Variants in PCDHGA5 observed in about 807,000 individuals in gnomAD.
PCDHGA5 encodes protocadherin gamma-A5.
Under a neutral mutation model 56.7 loss-of-function variants are expected in PCDHGA5, and 36 were observed. The observed-to-expected ratio is 0.64, with a 90% CI of 0.49 to 0.84. The LOEUF (loss-of-function observed/expected upper bound fraction) is 0.84, where lower values mean the gene tolerates loss of function less well. PCDHGA5 is among the 40% of genes least tolerant of loss of function. The probability of loss-of-function intolerance (pLI) is 0.00; values close to 1 mark genes in which losing one functional copy is unlikely to be tolerated. For missense variants in PCDHGA5, 1,305 were observed against 1,201.5 expected (o/e 1.09, Z -1.27); for synonymous variants, 563 against 520.2 (o/e 1.08, Z -1.12).
intron 1 of PCDHGA5, chr5:141,404,042 A>G: frequency 3.1e-6 from 5 of 1,613,892 alleles, no homozygotes; most frequent in Non-Finnish European, 4.2e-6. Context: ...ACCTCAGGGA[A>G]CAGTAATTCT....
rs1029173533 is a variant in PCDHGA5 at position 141,364,424 on chromosome 5, C to A, written c.94C>A (p.Arg32Ser). Residue 32 changes from arginine (R) to serine (S), a missense_variant, in exon 1 of 4, where the codon CGC becomes AGC. Arg to Ser is a moderately radical substitution (Grantham distance 110). Transcript: ENST00000518069. ...TLCEPGSGQI[R>S]YSMPEELDKG... The stretch of plus-strand genomic sequence containing the variant: ...GTGCGAGCCAGGATCCGGGCAGATC[C>A]GCTACTCGATGCCGGAGGAGCTGGA... 8 of 1,613,572 alleles carry A rather than the reference C, an allele frequency of 5.0e-6. No homozygotes were observed. The highest frequency in any genetic ancestry group is 1.1e-5 in the South Asian group (1 of 91,034).
intron 1 of PCDHGA5, chr5:141,371,082 G>A (rs1767471058): frequency 1.9e-6 from 3 of 1,613,856 alleles, no homozygotes; most frequent in Non-Finnish European, 1.7e-6. Flanking sequence ...CCAGATCAGG[G>A]TAATTGTCGC....
intron 1 of PCDHGA5, chr5:141,393,806 CA>C (rs1489692597): frequency 6.2e-7 from 1 of 1,613,866 alleles, no homozygotes; most frequent in Non-Finnish European, 8.5e-7. Context: ...TGGGGAGGAC[CA>C]AATTGCTCAT....
chr5:141,399,623 C>G, intron 1 of PCDHGA5: 2 of 1,613,920 alleles, frequency 1.2e-6, no homozygotes, highest in Non-Finnish European at 1.7e-6. Context: ...GCACTGGCCT[C>G]TTACGTGTCC....
In PCDHGA5 at chr5:141,375,969, C is replaced by T. The variant is rs778872651; in HGVS notation, c.2421+9218C>T. 3 of 1,613,328 alleles carry T rather than the reference C, an allele frequency of 1.9e-6. No individual in the cohort carries two copies. The South Asian group carries it at 3.3e-5, about 18-fold the overall frequency. On this transcript the variant is annotated intron_variant, in intron 1 of 3. Transcript: ENST00000518069. ...CTGCACACGGGCGAGGTGCGCACGG[C>T]GCGCGCCCTGCTGGACAGAGACGCG...
chr5:141,491,580 G>A lies in PCDHGA5; in HGVS notation c.2422-3227G>A. 6.2e-7 allele frequency: 1 copy of A among 1,613,942 alleles called. No individual in the cohort carries two copies. Among genetic ancestry groups the A allele is most frequent in the Non-Finnish European group, 8.5e-7 (1 of 1,180,044 alleles). ...ACTGCTACAGGACGTGCTTTTCACC[G>A]GCCTCGGACGGCAGTGACTTCACTT... is the stretch of plus-strand genomic sequence containing the variant. On this transcript the variant is annotated intron_variant, in intron 1 of 3. Coordinates refer to ENST00000518069, the MANE Select transcript of PCDHGA5 (RefSeq NM_018918.3). The surrounding 1 kb of genome is among the most constrained non-coding windows in gnomAD (Gnocchi z 6.9).
At chr5:141,402,930 G>A (rs1260331134) in intron 1 of PCDHGA5, 1 of 1,584,094 alleles carries the variant, frequency 6.3e-7, no homozygotes, top group Non-Finnish European at 8.6e-7. Flanking sequence ...ATCCTTTTGA[G>A]AAAATTCCAA....
chr5:141,494,449 G>A (rs185095384), intron 1 of PCDHGA5, among the ~76,000 whole-genome samples: 2 of 152,254 alleles, frequency 1.3e-5, no homozygotes, highest in East Asian at 3.9e-4. Flanking sequence ...CACTTTAGGG[G>A]GCTTTGTCTG....
chr5:141,366,279 G>T lies in PCDHGA5; in HGVS notation c.1949G>T (p.Gly650Val). Residue 650 changes from glycine to valine, a missense_variant, in exon 1 of 4, where the codon GGC becomes GTC. Transcript: ENST00000518069. Reference protein sequence around the residue: ...QSLVVAVEDHGQPPLSATFTV... With the variant: ...QSLVVAVEDHVQPPLSATFTV... The stretch of plus-strand genomic sequence containing the variant: ...CTCGTGGTGGCCGTCGAAGACCATG[G>T]CCAGCCCCCTCTGTCAGCCACCTTC... The T allele has an allele frequency of 6.2e-7, 1 of 1,613,692 alleles. No individual in the cohort carries two copies. Among genetic ancestry groups the T allele is most frequent in the Non-Finnish European group, 8.5e-7 (1 of 1,180,010 alleles).
Position 141,476,301 on chromosome 5 carries a change from C to T in PCDHGA5, c.2422-18506C>T. On this transcript the variant is annotated intron_variant, in intron 1 of 3. Transcript: ENST00000518069. The surrounding 1 kb of genome is among the most constrained non-coding windows in gnomAD (Gnocchi z 7.6). ...CTTGGTTTGGATCTCGGTAGCCTCT[C>T]AGCCCGCAGGTTCCGGGTGGTGTCT... is the stretch of plus-strand genomic sequence containing the variant. The T allele has an allele frequency of 1.9e-6, 3 of 1,613,778 alleles. No homozygotes were observed. The highest frequency in any genetic ancestry group is 2.5e-6 in the Non-Finnish European group (3 of 1,179,908).
chr5:141,415,519 A>G, intron 1 of PCDHGA5: 1 of 1,614,182 alleles, frequency 6.2e-7, no homozygotes, highest in Non-Finnish European at 8.5e-7. Context: ...TTATGCGGAC[A>G]CGCTCATCAG....
intron 1 of PCDHGA5, among the ~76,000 whole-genome samples, chr5:141,407,170 AC>A (rs2154538102): frequency 6.6e-6 from 1 of 152,368 alleles, no homozygotes; most frequent in Admixed American, 6.5e-5. Flanking sequence ...ATCCTTTATG[AC>A]ATACAGACAT....
intron 1 of PCDHGA5, among the ~76,000 whole-genome samples, chr5:141,437,983 A>G (rs544812394): frequency 4.6e-5 from 7 of 151,938 alleles, no homozygotes; most frequent in Admixed American, 2.6e-4. Context: ...GGATGCACCC[A>G]CCCCACCTCA....
chr5:141,398,803 A>C (rs551301850), intron 1 of PCDHGA5: 2 of 1,613,960 alleles, frequency 1.2e-6, no homozygotes, highest in African/African-American at 2.7e-5. Context: ...AAGCGGCACC[A>C]CTGAGCTCCG....
intron 1 of PCDHGA5, among the ~76,000 whole-genome samples, chr5:141,436,162 G>A (rs1036923915): frequency 2.6e-5 from 4 of 152,142 alleles, no homozygotes; most frequent in African/African-American, 7.2e-5. Flanking sequence ...TTTATCATAT[G>A]GACAGTTCTC....
chr5:141,412,569 T>C (rs1469611879), intron 1 of PCDHGA5: 3 of 152,228 alleles, frequency 2.0e-5, no homozygotes, highest in Admixed American at 6.5e-5. Flanking sequence ...GTTTATTTAA[T>C]ATAATCTTTG....
rs188117490 is a variant in PCDHGA5 at position 141,507,256 on chromosome 5, C to G, written c.2569+1775C>G. 3 of 152,178 alleles carry G rather than the reference C, an allele frequency of 2.0e-5. No individual in the cohort carries two copies. In the East Asian group the frequency reaches 5.8e-4, roughly 29 times the overall value. The allele number at this position is 152,178 out of a possible 1,614,324, so 9.4% of individuals were successfully genotyped here. ...CAGTTACAGTTGAATGTCAGATAAA[C>G]AGCAAGTACTATTTCAGCATAAGTC... On this transcript the variant is annotated intron_variant, in intron 3 of 3. Coordinates refer to ENST00000518069, the MANE Select transcript of PCDHGA5 (RefSeq NM_018918.3).
chr5:141,375,007 C>T (rs369489853), intron 1 of PCDHGA5: 1 of 1,614,000 alleles, frequency 6.2e-7, no homozygotes, highest in African/African-American at 1.3e-5. Context: ...CAAATCTAGA[C>T]TATGAGGACT....
At chr5:141,422,149 C>G in intron 1 of PCDHGA5, 1 of 1,577,238 alleles carries the variant, frequency 6.3e-7, no homozygotes. Context: ...ACGGGGGTCT[C>G]TGGATTTTGA....
Sources: gnomAD v4.1 joint callset for allele counts (sites outside exome capture counted in the v4.1 genomes callset) on GRCh38, gnomAD v4.1.1 for gene constraint, Gnocchi (gnomAD v3.1) non-coding constraint, MANE v1.5 for transcripts, NCBI Gene and HGNC (gene_info 2026-07-23, HGNC 2026-07-21) for gene names.